The following KIF26B variants were observed in gnomAD, a reference collection of about 807,000 sequenced individuals.
The protein encoded by KIF26B is kinesin-like protein KIF26B.
KIF26B carries 63 observed loss-of-function variants against 151.2 expected under a neutral mutation model. The ratio of observed to expected loss-of-function variants is 0.42; its 90% confidence interval spans 0.34 to 0.51. The LOEUF is 0.51. Among genes scored for constraint, KIF26B ranks in the 20% least tolerant of loss-of-function variants. The probability of loss-of-function intolerance (pLI) is 0.07; values close to 1 mark genes in which losing one functional copy is unlikely to be tolerated. For missense variants in KIF26B, 2,813 were observed against 2,913.6 expected, an observed-to-expected ratio of 0.97 and a Z score of 0.79; for synonymous variants, 1,357 against 1,262.1, an observed-to-expected ratio of 1.08 and a Z score of -1.59.
intron 4 of KIF26B, among the ~76,000 whole-genome samples, chr1:245,479,428 G>C (rs527255591): frequency 6.6e-6 from 1 of 151,802 alleles, no homozygotes; most frequent in Admixed American, 6.6e-5. Flanking sequence ...CATCAATATC[G>C]TGTGAAGTCT....
At chr1:245,363,505 C>T (rs1456082430) in intron 2 of KIF26B, among the ~76,000 whole-genome samples, 1 of 152,152 alleles carries the variant, frequency 6.6e-6, no homozygotes, top group Non-Finnish European at 1.5e-5. Flanking sequence ...CTCCTTTTCT[C>T]TTTTCTTCCT....
chr1:245,435,886 G>A (rs911201896), intron 4 of KIF26B, among the ~76,000 whole-genome samples: 2 of 152,098 alleles, frequency 1.3e-5, no homozygotes, highest in Non-Finnish European at 2.9e-5. Flanking sequence ...TTATTCAACT[G>A]AAAGGAGTTG....
chr1:245,472,377 A>G (rs1165172504), intron 4 of KIF26B, among the ~76,000 whole-genome samples: 1 of 152,198 alleles, frequency 6.6e-6, no homozygotes, highest in Non-Finnish European at 1.5e-5. Flanking sequence ...AGGTTGAGTA[A>G]TATCTGAAAT....
At chr1:245,186,621 T>G (rs1462300081) in intron 2 of KIF26B, among the ~76,000 whole-genome samples, 1 of 152,202 alleles carries the variant, frequency 6.6e-6, no homozygotes. Flanking sequence ...TAACTTCCTT[T>G]CTTGTTACTT....
At chr1:245,397,747 T>A (rs1430222665) in intron 3 of KIF26B, among the ~76,000 whole-genome samples, 1 of 152,190 alleles carries the variant, frequency 6.6e-6, no homozygotes, top group Non-Finnish European at 1.5e-5. Context: ...GCCAGTGTCT[T>A]CAAATGTTTG....
intron 2 of KIF26B, among the ~76,000 whole-genome samples, chr1:245,186,295 A>G (rs1196620444): frequency 6.6e-6 from 1 of 152,206 alleles, no homozygotes; most frequent in Non-Finnish European, 1.5e-5. Flanking sequence ...TGCCGGCTAC[A>G]GCCTCGACAG....
intron 2 of KIF26B, among the ~76,000 whole-genome samples, chr1:245,283,750 C>G (rs1671109916): frequency 6.7e-6 from 1 of 148,484 alleles, no homozygotes; most frequent in East Asian, 2.0e-4. Context: ...TGCACTGGCA[C>G]AATCTTGGTT....
chr1:245,232,329 AAAG>A (rs1294676393), intron 2 of KIF26B, among the ~76,000 whole-genome samples: 1 of 152,250 alleles, frequency 6.6e-6, no homozygotes, highest in Non-Finnish European at 1.5e-5. Context: ...TTTTCTAAGA[AAAG>A]AAGTAGAAAT....
At chr1:245,366,491 A>G (rs1289311220) in intron 2 of KIF26B, among the ~76,000 whole-genome samples, 1 of 151,244 alleles carries the variant, frequency 6.6e-6, no homozygotes, top group Non-Finnish European at 1.5e-5. Flanking sequence ...AGATCGTGCC[A>G]TTGCGCTCCA....
intron 9 of KIF26B, among the ~76,000 whole-genome samples, chr1:245,633,428 T>G (rs1156549080): frequency 2.0e-5 from 3 of 152,234 alleles, no homozygotes; most frequent in Non-Finnish European, 4.4e-5. Context: ...TGTATATTTT[T>G]TGTTCCTTTC....
intron 4 of KIF26B, among the ~76,000 whole-genome samples, chr1:245,484,763 C>CATATTATTATTA (rs1273792940): frequency 7.2e-5 from 9 of 124,660 alleles, no homozygotes; most frequent in East Asian, 2.4e-4. Context: ...TCTTCTTCTT[C>CATATTATTATTA]TTCATATTAT....
intron 2 of KIF26B, among the ~76,000 whole-genome samples, chr1:245,178,770 G>A (rs1203915811): frequency 2.5e-4 from 38 of 152,142 alleles, no homozygotes; most frequent in Admixed American, 2.5e-3. Context: ...GTCACCTTAG[G>A]TTTTGGGGAT....
At chr1:245,571,868 C>T (rs139985713) in intron 5 of KIF26B, among the ~76,000 whole-genome samples, 12 of 152,280 alleles carry the variant, frequency 7.9e-5, no homozygotes, top group African/African-American at 1.2e-4. Context: ...AGAAATCAGG[C>T]GCTTGTAAGA....
At chr1:245,172,219 G>A (rs942567450) in intron 2 of KIF26B, among the ~76,000 whole-genome samples, 2 of 152,146 alleles carry the variant, frequency 1.3e-5, no homozygotes, top group Non-Finnish European at 2.9e-5. Flanking sequence ...AGTCTGGTGG[G>A]GGGGGTGGGT....
At chr1:245,242,111 A>T (rs143027882) in intron 2 of KIF26B, among the ~76,000 whole-genome samples, 61 of 152,324 alleles carry the variant, frequency 4.0e-4, no homozygotes, top group African/African-American at 1.3e-3. Context: ...TTTCAAACAC[A>T]TAGATAAGAA....
chr1:245,378,324 G>C (rs1002635187), intron 3 of KIF26B, among the ~76,000 whole-genome samples: 1 of 151,402 alleles, frequency 6.6e-6, no homozygotes, highest in Non-Finnish European at 1.5e-5. Context: ...ATGTGGGTGA[G>C]AGGGGTTAGG....
intron 5 of KIF26B, among the ~76,000 whole-genome samples, chr1:245,593,331 C>T (rs1397845578): frequency 6.6e-6 from 1 of 152,064 alleles, no homozygotes; most frequent in African/African-American, 2.4e-5. Context: ...AGCTCCCCAG[C>T]CCCCAACAGG....
intron 4 of KIF26B, chr1:245,510,966 G>C: frequency 1.6e-6 from 1 of 642,788 alleles, no homozygotes; most frequent in East Asian, 2.7e-5. Context: ...GAATTTTCCA[G>C]CCTTTCCTCC....
At chr1:245,567,424 C>G (rs542975078) in intron 5 of KIF26B, among the ~76,000 whole-genome samples, 1 of 152,304 alleles carries the variant, frequency 6.6e-6, no homozygotes, top group East Asian at 1.9e-4. Flanking sequence ...GGGCAACTTG[C>G]TTTCTCCAGC....
Sources: allele counts gnomAD v4.1 joint callset (sites outside exome capture counted in the v4.1 genomes callset), GRCh38; gene constraint gnomAD v4.1.1; transcripts MANE v1.5; gene names NCBI Gene and HGNC (gene_info 2026-07-23, HGNC 2026-07-21).